The following GNA14 variants were observed in gnomAD, a reference collection of about 807,000 sequenced individuals.
The protein encoded by GNA14 is guanine nucleotide-binding protein subunit alpha-14.
Under a neutral mutation model 42.0 loss-of-function variants are expected in GNA14, and 50 were observed. The observed-to-expected ratio is 1.19, with a 90% CI of 0.95 to 1.51. The LOEUF is 1.51. Among genes scored for constraint, GNA14 ranks in the 40% most tolerant of loss-of-function variants. GNA14 has a pLI of 0.00. For synonymous variants in GNA14, 173 were observed against 163.1 expected, an observed-to-expected ratio of 1.06 and a Z score of -0.46; for missense variants, 473 against 446.2, an observed-to-expected ratio of 1.06 and a Z score of -0.54.
At chr9:77,586,444 G>A (rs1388618957) in intron 1 of GNA14, among the ~76,000 whole-genome samples, 1 of 152,180 alleles carries the variant, frequency 6.6e-6, no homozygotes, top group Non-Finnish European at 1.5e-5. Flanking sequence ...TTCAGAGTGA[G>A]GTGCTACTTC....
intron 2 of GNA14, among the ~76,000 whole-genome samples, chr9:77,491,717 C>T (rs900091845): frequency 2.6e-5 from 4 of 152,130 alleles, no homozygotes; most frequent in South Asian, 2.1e-4. Flanking sequence ...ATACTGGTAG[C>T]GTACTTCAAC....
chr9:77,470,929 G>C (rs1184914083), intron 2 of GNA14, among the ~76,000 whole-genome samples: 1 of 152,138 alleles, frequency 6.6e-6, no homozygotes, highest in Admixed American at 6.5e-5. Context: ...ACAGCAAGGG[G>C]GAAATCTGCC....
At chr9:77,603,576 G>A (rs374499956) in intron 1 of GNA14, among the ~76,000 whole-genome samples, 47 of 152,242 alleles carry the variant, frequency 3.1e-4, no homozygotes, top group African/African-American at 1.0e-3. Context: ...AGTGAGTTTA[G>A]GAAGAGCATT....
chr9:77,528,874 C>T (rs1192924729), intron 2 of GNA14, among the ~76,000 whole-genome samples, 195 bp downstream of exon 2: 1 of 152,140 alleles, frequency 6.6e-6, no homozygotes, highest in African/African-American at 2.4e-5. Flanking sequence ...CCTCACGCTA[C>T]CACCATGAGA....
chr9:77,586,947 A>G (rs1372745280), intron 1 of GNA14, among the ~76,000 whole-genome samples: 2 of 149,868 alleles, frequency 1.3e-5, no homozygotes, highest in East Asian at 2.0e-4. Context: ...TTGCTTACCT[A>G]TATGTCTGCA....
intron 1 of GNA14, among the ~76,000 whole-genome samples, chr9:77,614,217 A>T (rs1391865184): frequency 6.6e-6 from 1 of 152,072 alleles, no homozygotes; most frequent in African/African-American, 2.4e-5. Context: ...CTCAAAGATG[A>T]CTCTAGACAG....
chr9:77,558,454 T>C (rs1321297545), intron 1 of GNA14, among the ~76,000 whole-genome samples: 3 of 152,186 alleles, frequency 2.0e-5, no homozygotes, highest in Non-Finnish European at 4.4e-5. Context: ...AATCACTCTT[T>C]TAAAGCATTT....
intron 2 of GNA14, among the ~76,000 whole-genome samples, chr9:77,445,025 C>T (rs1835792454): frequency 6.6e-6 from 1 of 152,144 alleles, no homozygotes; most frequent in Admixed American, 6.5e-5. Context: ...AACAGAGCCC[C>T]ACACGAATGC....
At chr9:77,642,924 GC>G (rs969199487) in intron 1 of GNA14, among the ~76,000 whole-genome samples, 1 of 152,104 alleles carries the variant, frequency 6.6e-6, no homozygotes, top group African/African-American at 2.4e-5. Flanking sequence ...TCTCACCCAA[GC>G]CCCCATGCGC....
intron 1 of GNA14, among the ~76,000 whole-genome samples, chr9:77,544,689 AAAG>A (rs1456696234): frequency 3.3e-5 from 5 of 151,594 alleles, no homozygotes; most frequent in Non-Finnish European, 4.4e-5. Context: ...AAAAAAAAAA[AAAG>A]AAGGTTCATG....
At chr9:77,551,854 A>G (rs1420414832) in intron 1 of GNA14, among the ~76,000 whole-genome samples, 1 of 152,066 alleles carries the variant, frequency 6.6e-6, no homozygotes, top group African/African-American at 2.4e-5. Context: ...ATATAAAGAA[A>G]TTTGGCCAGG....
chr9:77,441,889 C>A (rs1368540383), intron 2 of GNA14, among the ~76,000 whole-genome samples: 1 of 152,026 alleles, frequency 6.6e-6, no homozygotes, highest in African/African-American at 2.4e-5. Context: ...GCTTTTGAAG[C>A]AAAACATGAA....
chr9:77,552,175 A>T (rs1321497830), intron 1 of GNA14, among the ~76,000 whole-genome samples: 1 of 151,798 alleles, frequency 6.6e-6, no homozygotes, highest in Non-Finnish European at 1.5e-5. Context: ...TTCAACACAA[A>T]CAATCAATTA....
intron 1 of GNA14, among the ~76,000 whole-genome samples, chr9:77,577,856 T>G (rs975096466): frequency 5.3e-5 from 8 of 152,126 alleles, no homozygotes; most frequent in Admixed American, 2.6e-4. Flanking sequence ...AAATCATAAA[T>G]ACTCCTATCT....
At chr9:77,478,494 G>C (rs1030395304) in intron 2 of GNA14, among the ~76,000 whole-genome samples, 4 of 152,062 alleles carry the variant, frequency 2.6e-5, no homozygotes, top group African/African-American at 9.7e-5. Flanking sequence ...ACATACATGT[G>C]CATGTGTCTT....
intron 2 of GNA14, among the ~76,000 whole-genome samples, chr9:77,440,377 C>T (rs1270785759): frequency 6.6e-6 from 1 of 152,204 alleles, no homozygotes; most frequent in African/African-American, 2.4e-5. Flanking sequence ...GCCCCGTCTC[C>T]ACCAGATCCT....
At chr9:77,641,104 GGA>G (rs1342156552) in intron 1 of GNA14, among the ~76,000 whole-genome samples, 3 of 2,076 alleles carry the variant, frequency 1.4e-3, no homozygotes, top group Non-Finnish European at 2.1e-3. Context: ...GGGGGGGGAA[GGA>G]AGGAAGGAAG....
chr9:77,444,055 C>G (rs779563412), intron 2 of GNA14, among the ~76,000 whole-genome samples: 19 of 152,114 alleles, frequency 1.2e-4, no homozygotes, highest in Non-Finnish European at 2.6e-4. Flanking sequence ...ATACTTAAAC[C>G]CCTGTAGCTA....
At chr9:77,638,707 G>T (rs1824216792) in intron 1 of GNA14, among the ~76,000 whole-genome samples, 2 of 152,186 alleles carry the variant, frequency 1.3e-5, no homozygotes, top group South Asian at 2.1e-4. Context: ...ATTTAAGTAA[G>T]GTAATAATAT....
Sources: gnomAD v4.1 joint callset for allele counts (sites outside exome capture counted in the v4.1 genomes callset) on GRCh38, gnomAD v4.1.1 for gene constraint, MANE v1.5 for transcripts, NCBI Gene and HGNC (gene_info 2026-07-23, HGNC 2026-07-21) for gene names.